Variants in S100A12 observed in about 807,000 individuals in gnomAD.
The protein encoded by S100A12 is protein S100-A12.
A neutral mutation model predicts 4.0 loss-of-function variants in S100A12; 3 were observed. The observed-to-expected ratio is 0.75, with a 90% confidence interval of 0.34 to 1.94. S100A12 has a LOEUF of 1.94. Ranked by LOEUF, S100A12 falls within the 30% of genes most tolerant of loss-of-function variation. The pLI is 0.07. For synonymous variants in S100A12, 50 were observed against 41.4 expected (o/e 1.21, Z -0.79); for missense variants, 122 against 107.0 (o/e 1.14, Z -0.62).
At chr1:153,374,124 A>C in intron 2 of S100A12, 157 bp from the exon 3 acceptor site, 9 of 791,472 alleles carry the variant, frequency 1.1e-5, no homozygotes, top group Non-Finnish European at 1.5e-5. Context: ...AAAACAGAGA[A>C]CACAATGGTC....
Position 153,374,715 on chromosome 1 carries a change from C to T in S100A12, c.-20-103G>A, listed in dbSNP as rs975054571. On this transcript the variant is annotated intron_variant, in intron 1 of 2. Coordinates refer to ENST00000368737, the MANE Select transcript of S100A12 (RefSeq NM_005621.2). The stretch of plus-strand genomic sequence containing the variant: ...CAAGGGCCTAAAGAAAACATAACAT[C>T]CTCCATATCTATTTTGTGGTCTCTG... 2.5e-5 allele frequency: 19 copies of T among 748,324 alleles called. No homozygotes were observed. The African/African-American group carries it at 2.8e-4, about 11-fold the overall frequency. The allele number at this position is 748,324 out of a possible 1,614,324, so 46.4% of individuals were successfully genotyped here.
chr1:153,374,536 T>A lies in S100A12; in HGVS notation c.57A>T (p.Ser19=). The A allele has an allele frequency of 6.2e-7, 1 of 1,613,784 alleles. No homozygotes were observed. The highest frequency in any genetic ancestry group is 8.5e-7 in the Non-Finnish European group (1 of 1,179,650). ...GGGTGTCAAAATGCCCCTTCCGAAC[T>A]GAGTATTGGTGGAAGATATTGACAA... ...EGIVNIFHQY[S]VRKGHFDTLS... is the part of the protein sequence containing the mutation. The change falls in exon 2 of 3, where the codon TCA becomes TCT. Residue 19 remains serine, a synonymous_variant. Coordinates refer to ENST00000368737, the MANE Select transcript of S100A12 (RefSeq NM_005621.2).
rs1394857790 is a variant in S100A12, at chr1:153,373,802, G to A, written c.*25C>T. 15 of 1,605,988 alleles carry A rather than the reference G, an allele frequency of 9.3e-6. No homozygotes were observed. Among genetic ancestry groups the A allele is most frequent in the Admixed American group, 1.7e-5 (1 of 59,906 alleles). On this transcript the variant is annotated 3_prime_UTR_variant, in exon 3 of 3. Transcript: ENST00000368737. ...AAAGACCCTCATTGAGGACATTGCT[G>A]GGTAAAAAGCCTTCAGAGAGCTACC... is the stretch of plus-strand genomic sequence containing the variant.
rs754929010 is a variant in S100A12, at chr1:153,373,812, C to T, written c.*15G>A. On this transcript the variant is annotated 3_prime_UTR_variant, in exon 3 of 3. Transcript: ENST00000368737. The stretch of plus-strand genomic sequence containing the variant: ...ATTGAGGACATTGCTGGGTAAAAAG[C>T]CTTCAGAGAGCTACCTACTCTTTGT... 3.7e-6 allele frequency: 6 copies of T among 1,611,730 alleles called. No individual in the cohort carries two copies. The highest frequency in any genetic ancestry group is 1.1e-5 in the South Asian group (1 of 90,980).
In S100A12 at chr1:153,373,945, A is replaced by G. The variant is rs570457059; in HGVS notation, c.161T>C (p.Ile54Thr). ...ATCCAGGCCTTGGAATATTTCATCA[A>G]TGACAGCTTTATCTTTGATATTCTA... ...TIKNIKDKAV[I>T]DEIFQGLDAN... Residue 54 changes from isoleucine to threonine, a missense_variant, in exon 3 of 3, where the codon ATT becomes ACT. By Grantham distance (89) the Ile-to-Thr change is moderately conservative. Transcript: ENST00000368737. The G allele has an allele frequency of 9.3e-6, 15 of 1,613,878 alleles. No homozygotes were observed. The African/African-American group carries it at 1.7e-4, about 19-fold the overall frequency.
chr1:153,374,494 C>G lies in S100A12; in HGVS notation c.99G>C (p.Leu33=). Residue 33 remains leucine, a synonymous_variant, in exon 2 of 3, where the codon CTG becomes CTC. Coordinates refer to ENST00000368737, the MANE Select transcript of S100A12 (RefSeq NM_005621.2). The part of the protein sequence containing the change: ...GHFDTLSKGE[L]KQLLTKELAN... The stretch of plus-strand genomic sequence containing the variant: ...CAAGCTCCTTTGTAAGCAGCTGCTT[C>G]AGCTCACCCTTAGAGAGGGTGTCAA... 1.2e-6 allele frequency: 2 copies of G among 1,614,090 alleles called. No individual in the cohort carries two copies. Among genetic ancestry groups the G allele is most frequent in the Non-Finnish European group, 1.7e-6 (2 of 1,179,950 alleles).
chr1:153,374,974 C>T lies in S100A12; in HGVS notation c.-20-362G>A, dbSNP rs531015039. 3.3e-5 allele frequency among the ~76,000 whole-genome samples: 5 copies of T among 152,322 alleles called. No homozygotes were observed. In the South Asian group the frequency reaches 8.3e-4, roughly 25 times the overall value. On this transcript the variant is annotated intron_variant, in intron 1 of 2. Transcript: ENST00000368737. ...GTGATGGCACTATGGCCACATATCC[C>T]CCACAAATGGTCCATAACCCACCCC...
chr1:153,375,398 G>A lies in S100A12; in HGVS notation c.-21+154C>T, dbSNP rs138348449. On this transcript the variant is annotated intron_variant, in intron 1 of 2. Coordinates refer to ENST00000368737, the MANE Select transcript of S100A12 (RefSeq NM_005621.2). ...ACTGAGTCTACATAGCACAACAAGA[G>A]CTGATCTACTTGGGTCCAAAATGCA... Among the ~76,000 whole-genome samples, 375 of 152,262 alleles carry A rather than the reference G, an allele frequency of 2.5e-3. 1 individual carries two copies. The highest frequency in any genetic ancestry group is 8.7e-3 in the African/African-American group (362 of 41,550).
chr1:153,375,246 C>A (rs1661707835), intron 1 of S100A12, among the ~76,000 whole-genome samples: 1 of 152,118 alleles, frequency 6.6e-6, no homozygotes. Context: ...GACGGGGTTT[C>A]ACCATGTTAG....
At chr1:153,375,157 C>T (rs1268809147) in intron 1 of S100A12, among the ~76,000 whole-genome samples, 1 of 152,212 alleles carries the variant, frequency 6.6e-6, no homozygotes, top group Non-Finnish European at 1.5e-5. Flanking sequence ...CGCCATTCTC[C>T]TGCCCCAGCC....
At chr1:153,375,238 C>T (rs905652452) in intron 1 of S100A12, among the ~76,000 whole-genome samples, 1 of 152,032 alleles carries the variant, frequency 6.6e-6, no homozygotes, top group South Asian at 2.1e-4. Flanking sequence ...TTAGTAGAGA[C>T]GGGGTTTCAC....
rs1164252673 is a variant in S100A12, at chr1:153,373,784, C to T, written c.*43G>A. Reference sequence around the variant, plus strand: ...GTTTTGGTGAGGGAAAGAAAAGACCCTCATTGAGGACATTGCTGGGTAAAA... The same window carrying T: ...GTTTTGGTGAGGGAAAGAAAAGACCTTCATTGAGGACATTGCTGGGTAAAA... On this transcript the variant is annotated 3_prime_UTR_variant, in exon 3 of 3. Coordinates refer to ENST00000368737, the MANE Select transcript of S100A12 (RefSeq NM_005621.2). 6.4e-7 allele frequency: 1 copy of T among 1,569,176 alleles called. No homozygotes were observed. Among genetic ancestry groups the T allele is most frequent in the South Asian group, 1.1e-5 (1 of 89,626 alleles).
At chr1:153,374,658 C>G in intron 1 of S100A12, 46 bp from the exon 2 acceptor site, 1 of 1,314,862 alleles carries the variant, frequency 7.6e-7, no homozygotes. Context: ...TCCCCCACCC[C>G]TCAACCTCCA....
At chr1:153,375,269 C>T (rs1190892584) in intron 1 of S100A12, among the ~76,000 whole-genome samples, 13 of 152,060 alleles carry the variant, frequency 8.5e-5, no homozygotes, top group Non-Finnish European at 1.5e-4. Context: ...AGGATGGTCT[C>T]GATCTCCTCA....
At chr1:153,375,116 G>T (rs1461687401) in intron 1 of S100A12, among the ~76,000 whole-genome samples, 1 of 152,072 alleles carries the variant, frequency 6.6e-6, no homozygotes, top group African/African-American at 2.4e-5. Flanking sequence ...GGGCGATCTC[G>T]GCTCACTGCA....
chr1:153,374,146 T>C, intron 2 of S100A12, 179 bp from the exon 3 acceptor site: 1 of 736,726 alleles, frequency 1.4e-6, no homozygotes, highest in Non-Finnish European at 2.4e-6. Context: ...TGAACCACCC[T>C]GGAATTAACA....
intron 1 of S100A12, among the ~76,000 whole-genome samples, chr1:153,375,028 T>A (rs943269762): frequency 9.6e-4 from 146 of 151,868 alleles, no homozygotes; most frequent in African/African-American, 3.4e-3. Context: ...TTGTTGTTGT[T>A]GTTTTGGGTT....
chr1:153,374,394 C>A, intron 2 of S100A12, 61 bp downstream of exon 2: 2 of 1,542,684 alleles, frequency 1.3e-6, no homozygotes, highest in South Asian at 1.2e-5. Flanking sequence ...TCTGCCAGGC[C>A]TTGCCACTCC....
Position 153,373,754 on chromosome 1 carries a change from G to A in S100A12, c.*73C>T, listed in dbSNP as rs1661670511. On this transcript the variant is annotated 3_prime_UTR_variant, in exon 3 of 3. Transcript: ENST00000368737. ...TTAACTCTTACTCCCCACGGGCAAG[G>A]CTGGGTTTTGGTGAGGGAAAGAAAA... 1.5e-6 allele frequency: 2 copies of A among 1,297,598 alleles called. No individual in the cohort carries two copies. The highest frequency in any genetic ancestry group is 1.8e-5 in the Admixed American group (1 of 55,702). The allele number at this position is 1,297,598 out of a possible 1,614,324, so 80.4% of individuals were successfully genotyped here.
Sources: allele counts gnomAD v4.1 joint callset (sites outside exome capture counted in the v4.1 genomes callset), GRCh38; gene constraint gnomAD v4.1.1; transcripts MANE v1.5; gene names NCBI Gene and HGNC (gene_info 2026-07-23, HGNC 2026-07-21).